SUGCT: variants seen among roughly 807,000 people sequenced by gnomAD.
SUGCT encodes succinyl-CoA:glutarate CoA-transferase.
Under a neutral mutation model 55.0 loss-of-function variants are expected in SUGCT, and 41 were observed. That is an observed-to-expected ratio of 0.74 (90% CI 0.58 to 0.97). SUGCT has a LOEUF of 0.97. SUGCT is among the 50% of genes least tolerant of loss of function. SUGCT has a pLI of 0.00. For synonymous variants in SUGCT, 187 were observed against 200.4 expected (o/e 0.93, Z 0.56); for missense variants, 568 against 547.8 (o/e 1.04, Z -0.37).
At chr7:41,031,024 C>T in the SUGCT span, among the ~76,000 whole-genome samples, 7 of 152,088 alleles carry the variant, frequency 4.6e-5, no homozygotes, top group Admixed American at 1.3e-4. Flanking sequence ...TGCAGTGACA[C>T]GATCTCAGCA....
At chr7:40,618,015 C>T (rs532269424) in intron 12 of SUGCT, among the ~76,000 whole-genome samples, 59 of 152,298 alleles carry the variant, frequency 3.9e-4, no homozygotes, top group Admixed American at 1.1e-3. Flanking sequence ...TTCATTCTTT[C>T]TCTAGAAGAC....
intron 7 of SUGCT, among the ~76,000 whole-genome samples, chr7:40,270,342 C>A (rs1791925698): frequency 6.6e-6 from 1 of 151,968 alleles, no homozygotes; most frequent in Non-Finnish European, 1.5e-5. Flanking sequence ...ATTGCCAAAT[C>A]CAATATCATA....
intron 6 of SUGCT, among the ~76,000 whole-genome samples, chr7:40,213,761 C>T (rs1478811700): frequency 6.6e-6 from 1 of 152,124 alleles, no homozygotes; most frequent in Non-Finnish European, 1.5e-5. Flanking sequence ...TTGTTTTATT[C>T]TTCAAGTTGT....
chr7:40,577,578 C>T (rs1457795660), intron 12 of SUGCT, among the ~76,000 whole-genome samples: 2 of 152,010 alleles, frequency 1.3e-5, no homozygotes, highest in African/African-American at 2.4e-5. Flanking sequence ...ACTGTAAACT[C>T]TCTATCTCAC....
rs929542962 is a variant in SUGCT, at chr7:40,319,901, C to T, written c.816+3046C>T. On this transcript the variant is annotated intron_variant, in intron 9 of 13. Coordinates refer to ENST00000335693, the MANE Select transcript of SUGCT (RefSeq NM_001193313.2). ...GCAGTGGTGTGATCATAGCTTACTGCAGCCTCGACCTGCTGGGCTCAAGTG... is the reference window on the plus strand; with the variant it reads ...GCAGTGGTGTGATCATAGCTTACTGTAGCCTCGACCTGCTGGGCTCAAGTG... Among the ~76,000 whole-genome samples the T allele has an allele frequency of 2.6e-5, 4 of 152,156 alleles. No individual in the cohort carries two copies. In the East Asian group the frequency reaches 7.7e-4, roughly 29 times the overall value.
chr7:40,947,501 T>TC, the SUGCT span, among the ~76,000 whole-genome samples: 6 of 61,758 alleles, frequency 9.7e-5, no homozygotes, highest in Non-Finnish European at 1.3e-4. Context: ...ACTTTCTCTC[T>TC]TTTTTTTTTT....
intron 7 of SUGCT, among the ~76,000 whole-genome samples, chr7:40,249,406 A>C (rs1003026463): frequency 2.8e-5 from 4 of 144,772 alleles, no homozygotes; most frequent in Non-Finnish European, 6.0e-5. Context: ...TAAAGTATAT[A>C]ATATATATAA....
At chr7:40,915,826 A>G in the SUGCT span, among the ~76,000 whole-genome samples, 1 of 152,354 alleles carries the variant, frequency 6.6e-6, no homozygotes, top group South Asian at 2.1e-4. Flanking sequence ...AGAATTTGAT[A>G]CATGCATTGA....
chr7:40,539,065 C>T (rs531722377), intron 12 of SUGCT: 9 of 142,578 alleles, frequency 6.3e-5, no homozygotes, highest in South Asian at 2.2e-4. Flanking sequence ...GGCGACAGAG[C>T]GAGACTCCAT....
At chr7:40,736,263 C>T (rs1460687192) in intron 12 of SUGCT, among the ~76,000 whole-genome samples, 3 of 75,996 alleles carry the variant, frequency 3.9e-5, no homozygotes, top group Non-Finnish European at 6.9e-5. Context: ...TATAATATTT[C>T]AATATATAAT....
intron 1 of SUGCT, among the ~76,000 whole-genome samples, chr7:40,163,407 C>T (rs2150652544): frequency 6.6e-6 from 1 of 152,170 alleles, no homozygotes; most frequent in African/African-American, 2.4e-5. Flanking sequence ...AGATCAAGAC[C>T]ATCCTGGCTA....
At chr7:40,215,541 CA>C (rs1411126671) in intron 6 of SUGCT, among the ~76,000 whole-genome samples, 1 of 152,106 alleles carries the variant, frequency 6.6e-6, no homozygotes, top group Non-Finnish European at 1.5e-5. Flanking sequence ...TACTTCTTAT[CA>C]AATACAATTA....
intron 5 of SUGCT, among the ~76,000 whole-genome samples, chr7:40,190,636 T>A (rs1785839521): frequency 7.2e-6 from 1 of 139,174 alleles, no homozygotes; most frequent in Non-Finnish European, 1.5e-5. Context: ...TAGTCAGCAC[T>A]CATGAGGTAT....
At chr7:40,953,239 C>T in the SUGCT span, among the ~76,000 whole-genome samples, 2 of 152,110 alleles carry the variant, frequency 1.3e-5, no homozygotes, top group East Asian at 3.8e-4. Context: ...TCCAGTTGAT[C>T]GAATCGGCTA....
At chr7:40,457,315 A>G (rs1200795477) in intron 10 of SUGCT, among the ~76,000 whole-genome samples, 1 of 151,988 alleles carries the variant, frequency 6.6e-6, no homozygotes, top group African/African-American at 2.4e-5. Flanking sequence ...GATGGTGCGC[A>G]TGCCTGTAAT....
intron 12 of SUGCT, among the ~76,000 whole-genome samples, chr7:40,708,196 T>TG (rs754999010): frequency 6.6e-6 from 1 of 152,130 alleles, no homozygotes; most frequent in Non-Finnish European, 1.5e-5. Flanking sequence ...ACGTCAACAT[T>TG]GGGTACCAGG....
chr7:40,180,898 A>G (rs1279206216), intron 1 of SUGCT, 49 bp from the exon 2 acceptor site: 1 of 1,397,498 alleles, frequency 7.2e-7, no homozygotes, highest in East Asian at 2.3e-5. Flanking sequence ...GTGAAAATGT[A>G]AGAAAATTAC....
At chr7:40,255,018 G>A (rs1265062689) in intron 7 of SUGCT, among the ~76,000 whole-genome samples, 6 of 151,024 alleles carry the variant, frequency 4.0e-5, no homozygotes, top group Non-Finnish European at 8.8e-5. Context: ...TCTGAGGTCG[G>A]GAGTTCGAGA....
chr7:40,809,002 G>A (rs959617193), intron 13 of SUGCT, among the ~76,000 whole-genome samples: 2 of 152,074 alleles, frequency 1.3e-5, no homozygotes, highest in Admixed American at 6.6e-5. Flanking sequence ...GTTGGGCCTC[G>A]GTTTTCTCAT....
Sources: gnomAD v4.1 joint callset for allele counts (sites outside exome capture counted in the v4.1 genomes callset) on GRCh38, gnomAD v4.1.1 for gene constraint, MANE v1.5 for transcripts, NCBI Gene and HGNC (gene_info 2026-07-23, HGNC 2026-07-21) for gene names.